The following ESPNL variants were observed in gnomAD, a reference collection of about 807,000 sequenced individuals.
ESPNL encodes the protein espin-like protein.
A neutral mutation model predicts 46.8 loss-of-function variants in ESPNL; 49 were observed. The ratio of observed to expected loss-of-function variants is 1.05; its 90% CI spans 0.83 to 1.33. The LOEUF is 1.33. Ranked by LOEUF, ESPNL falls within the 40% of genes most tolerant of loss-of-function variation. The pLI is 0.00. For synonymous variants in ESPNL, 664 were observed against 662.1 expected, an observed-to-expected ratio of 1.00 and a Z score of -0.04; for missense variants, 1,540 against 1,436.6, an observed-to-expected ratio of 1.07 and a Z score of -1.16.
rs2106305568 is a variant in ESPNL, at chr2:238,131,248, G to A, written c.2534G>A (p.Gly845Glu). Residue 845 changes from glycine (G) to glutamate (E), a missense_variant, in exon 9 of 9, where the codon GGG (glycine) becomes GAG (glutamate). Gly to Glu is a moderately conservative substitution (Grantham distance 98). Transcript: ENST00000343063. The part of the protein sequence containing the change: ...SPEQFLPHVD[G>E]APVPYSSLSL... Reference sequence around the variant, plus strand: ...GAGCAGTTCCTGCCCCACGTGGACGGGGCTCCGGTGCCCTACAGCAGCCTC... The same window carrying A: ...GAGCAGTTCCTGCCCCACGTGGACGAGGCTCCGGTGCCCTACAGCAGCCTC... 1 of 1,568,588 alleles carries A rather than the reference G, an allele frequency of 6.4e-7. No homozygotes were observed. The highest frequency in any genetic ancestry group is 2.4e-5 in the East Asian group (1 of 42,550).
chr2:238,106,610 A>G (rs1201677746), intron 3 of ESPNL, among the ~76,000 whole-genome samples: 1 of 152,152 alleles, frequency 6.6e-6, no homozygotes, highest in Middle Eastern at 3.2e-3. Flanking sequence ...TTGCCCCTCC[A>G]GCAGTTCTGA....
At chr2:238,127,517 A>T in intron 6 of ESPNL, 105 bp from the exon 7 acceptor site, 1 of 1,437,864 alleles carries the variant, frequency 7.0e-7, no homozygotes, top group Admixed American at 2.8e-5. Flanking sequence ...CAGCTCGCAG[A>T]TCGTTCAGGA....
intron 3 of ESPNL, 93 bp downstream of exon 3, chr2:238,104,935 A>T: frequency 8.7e-7 from 1 of 1,144,930 alleles, no homozygotes; most frequent in South Asian, 1.7e-5. Context: ...CTCCAGAGGG[A>T]ACTGGGGACA....
intron 3 of ESPNL, among the ~76,000 whole-genome samples, chr2:238,106,070 C>G (rs1337972033): frequency 6.6e-6 from 1 of 152,220 alleles, no homozygotes; most frequent in African/African-American, 2.4e-5. Flanking sequence ...TCCTCCCCAC[C>G]GGCGCACCAG....
In ESPNL at chr2:238,132,530, CAG is replaced by C. The variant is rs1692366951; in HGVS notation, c.*799_*800del. 1 of 152,374 alleles carries C rather than the reference CAG, an allele frequency of 6.6e-6. No homozygotes were observed. Among genetic ancestry groups the C allele is most frequent in the South Asian group, 2.1e-4 (1 of 4,836 alleles). The allele number at this position is 152,374 out of a possible 1,614,324, so 9.4% of individuals were successfully genotyped here. On this transcript the variant is annotated 3_prime_UTR_variant, in exon 9 of 9. Transcript: ENST00000343063. ...TGCTGCACACAGAGGAGAATGCCGG[CAG>C]GGGTGGGCAGCAGCCAGACCTCAGG...
At chr2:238,111,976 C>CT (rs1278929164) in intron 4 of ESPNL, among the ~76,000 whole-genome samples, 4 of 151,936 alleles carry the variant, frequency 2.6e-5, no homozygotes, top group African/African-American at 9.7e-5. Flanking sequence ...ATGGAATGTC[C>CT]TTTTTTTGTT....
chr2:238,111,088 G>A (rs529760633), intron 4 of ESPNL, among the ~76,000 whole-genome samples: 1 of 150,778 alleles, frequency 6.6e-6, no homozygotes, highest in South Asian at 2.1e-4. Context: ...CACCACACCT[G>A]GCTAATTTTT....
At chr2:238,122,136 A>G (rs1231017947) in intron 5 of ESPNL, among the ~76,000 whole-genome samples, 1 of 152,258 alleles carries the variant, frequency 6.6e-6, no homozygotes, top group Non-Finnish European at 1.5e-5. Context: ...GCAACTGTCC[A>G]ATGCTGGGAT....
intron 4 of ESPNL, among the ~76,000 whole-genome samples, chr2:238,109,606 C>T (rs933991630): frequency 6.6e-5 from 10 of 152,240 alleles, no homozygotes; most frequent in African/African-American, 2.4e-4. Context: ...ATCCTCCCAC[C>T]TCAGCCTTCC....
Position 238,100,527 on chromosome 2 carries a change from G to A in ESPNL, c.108G>A (p.Gly36=). The A allele has an allele frequency of 6.3e-7, 1 of 1,595,534 alleles. No homozygotes were observed. The highest frequency in any genetic ancestry group is 8.5e-7 in the Non-Finnish European group (1 of 1,173,682). ...GCCCGGGCATCACCGATGCTCTGGG[G>A]GCCGGCCTGGTTCACCACGCCACCC... The part of the protein sequence containing the change: ...ALGPGITDAL[G]AGLVHHATRA... Residue 36 remains glycine (G), a synonymous_variant, in exon 1 of 9, where the codon GGG becomes GGA. Coordinates refer to ENST00000343063, the MANE Select transcript of ESPNL (RefSeq NM_194312.4).
In ESPNL at chr2:238,131,372, C is replaced by T. The variant is rs758127176; in HGVS notation, c.2658C>T (p.Phe886=). The T allele has an allele frequency of 1.6e-5, 26 of 1,602,768 alleles. No homozygotes were observed. Among genetic ancestry groups the T allele is most frequent in the Admixed American group, 3.4e-5 (2 of 58,734 alleles). ...KLRHLLCFEV[F]EHLGTHGWEA... ...GCCACCTGCTGTGCTTCGAGGTCTTCGAGCACCTGGGCACCCACGGCTGGG... is the reference window on the plus strand; with the variant it reads ...GCCACCTGCTGTGCTTCGAGGTCTTTGAGCACCTGGGCACCCACGGCTGGG... Residue 886 remains phenylalanine (F), a synonymous_variant, in exon 9 of 9, where the codon TTC becomes TTT. Coordinates refer to ENST00000343063, the MANE Select transcript of ESPNL (RefSeq NM_194312.4).
At chr2:238,124,683 GC>G (rs1692061923) in intron 5 of ESPNL, among the ~76,000 whole-genome samples, 1 of 103,552 alleles carries the variant, frequency 9.7e-6, no homozygotes, top group African/African-American at 3.9e-5. Flanking sequence ...GTGTGTGTGT[GC>G]AGGAGAGTAC....
intron 3 of ESPNL, 27 bp from the exon 4 acceptor site, chr2:238,107,764 C>G: frequency 6.5e-7 from 1 of 1,543,706 alleles, no homozygotes; most frequent in Middle Eastern, 1.7e-4. Context: ...GGGAGGATGG[C>G]TGCTCCCTCT....
rs561947656 is a variant in ESPNL, at chr2:238,131,432, C to T, written c.2718C>T (p.Asp906=). The T allele has an allele frequency of 4.9e-5, 79 of 1,608,976 alleles. No individual in the cohort carries two copies. Among genetic ancestry groups the T allele is most frequent in the Non-Finnish European group, 6.2e-5 (73 of 1,178,056 alleles). Residue 906 remains aspartate, a synonymous_variant, in exon 9 of 9, where the codon GAC becomes GAT. Coordinates refer to ENST00000343063, the MANE Select transcript of ESPNL (RefSeq NM_194312.4). ...AVRAFHKAVT[D]EVAAGRRAWT... is the part of the protein sequence containing the mutation. The stretch of plus-strand genomic sequence containing the variant: ...GCGCCTTCCACAAGGCCGTGACCGA[C>T]GAGGTGGCCGCCGGCCGCCGGGCCT...
rs1298532724 is a variant in ESPNL at position 238,114,683 on chromosome 2, G to A, written c.856-2220G>A. On this transcript the variant is annotated intron_variant, in intron 4 of 8. Coordinates refer to ENST00000343063, the MANE Select transcript of ESPNL (RefSeq NM_194312.4). This position sits in a 1 kb window ranked among gnomAD's most constrained non-coding sequence, Gnocchi z 5.0. ...GCCCCCGGGGAAGGGGTGTGCGCAC[G>A]CCTGATTTTGTGTGGCCCCACAAGC... 6.6e-6 allele frequency among the ~76,000 whole-genome samples: 1 copy of A among 152,182 alleles called. No homozygotes were observed. Among genetic ancestry groups the A allele is most frequent in the Admixed American group, 6.5e-5 (1 of 15,280 alleles).
At chr2:238,104,546 A>G in intron 2 of ESPNL, 110 bp from the exon 3 acceptor site, 2 of 1,236,738 alleles carry the variant, frequency 1.6e-6, no homozygotes, top group East Asian at 2.7e-5. Context: ...GCATGTGGGA[A>G]ACTCAGTCAT....
At position 238,131,437 on chromosome 2, in the gene ESPNL, T is replaced by TGGCCGCC; in HGVS notation, c.2733_2739dup (p.Ala914ProfsTer51). On this transcript the variant is annotated frameshift_variant, in exon 9 of 9. Coordinates refer to ENST00000343063, the MANE Select transcript of ESPNL (RefSeq NM_194312.4). LOFTEE classifies it low-confidence loss of function (END_TRUNC). ...TTCCACAAGGCCGTGACCGACGAGG[T>TGGCCGCC]GGCCGCCGGCCGCCGGGCCTGGACC... is the stretch of plus-strand genomic sequence containing the variant. 3 of 1,609,038 alleles carry TGGCCGCC rather than the reference T, an allele frequency of 1.9e-6. No individual in the cohort carries two copies. Among genetic ancestry groups the TGGCCGCC allele is most frequent in the East Asian group, 2.2e-5 (1 of 44,740 alleles).
At chr2:238,119,520 A>AGG (rs1691935701) in intron 5 of ESPNL, among the ~76,000 whole-genome samples, 1 of 73,054 alleles carries the variant, frequency 1.4e-5, no homozygotes, top group Admixed American at 1.6e-4. Context: ...TGGGTGGAGG[A>AGG]GGGGAGATGG....
chr2:238,130,717 G>C lies in ESPNL; in HGVS notation c.2003G>C (p.Gly668Ala). Residue 668 changes from glycine to alanine, a missense_variant, in exon 9 of 9, where the codon GGC (glycine) becomes GCC (alanine). Coordinates refer to ENST00000343063, the MANE Select transcript of ESPNL (RefSeq NM_194312.4). ...NFESASGPLCGFNPGPCEPGA... is the reference protein window; with the variant it reads ...NFESASGPLCAFNPGPCEPGA... The stretch of plus-strand genomic sequence containing the variant: ...GAGTCGGCCTCTGGCCCACTCTGTG[G>C]CTTCAACCCTGGCCCCTGCGAGCCG... The C allele has an allele frequency of 3.2e-6, 5 of 1,567,686 alleles. No individual in the cohort carries two copies. The highest frequency in any genetic ancestry group is 4.3e-6 in the Non-Finnish European group (5 of 1,158,914).
Sources: allele counts gnomAD v4.1 joint callset (sites outside exome capture counted in the v4.1 genomes callset), GRCh38; gene constraint gnomAD v4.1.1; non-coding constraint Gnocchi (gnomAD v3.1); transcripts MANE v1.5; gene names NCBI Gene and HGNC (gene_info 2026-07-23, HGNC 2026-07-21).